The following SPATS2 variants were observed in gnomAD, a reference collection of about 807,000 sequenced individuals.
The protein encoded by SPATS2 is spermatogenesis associated serine rich 2, also known as spermatogenesis-associated serine-rich protein 2.
SPATS2 carries 38 observed loss-of-function variants against 63.7 expected under a neutral mutation model. That is an observed-to-expected ratio of 0.60 (90% CI 0.46 to 0.78). The LOEUF (loss-of-function observed/expected upper bound fraction) is 0.78. SPATS2 is among the 30% of genes least tolerant of loss of function. The pLI is 0.00. For synonymous variants in SPATS2, 207 were observed against 232.9 expected, an observed-to-expected ratio of 0.89 and a Z score of 1.01; for missense variants, 588 against 666.2, an observed-to-expected ratio of 0.88 and a Z score of 1.29.
intron 2 of SPATS2, among the ~76,000 whole-genome samples, chr12:49,377,133 A>G (rs1273786679): frequency 1.3e-5 from 2 of 152,158 alleles, no homozygotes; most frequent in Admixed American, 6.5e-5. Context: ...TCTTAAGTTG[A>G]TAATGCTTTA....
At chr12:49,497,039 A>G (rs778838757) in intron 8 of SPATS2, 30 bp downstream of exon 8, 19 of 1,505,670 alleles carry the variant, frequency 1.3e-5, no homozygotes, top group African/African-American at 2.9e-5. Flanking sequence ...GTGAGAGAAA[A>G]TGAAAAATCT....
chr12:49,524,783 AC>A lies in SPATS2; in HGVS notation c.1215del (p.Cys406ValfsTer24). 1 of 1,613,894 alleles carries A rather than the reference AC, an allele frequency of 6.2e-7. No individual in the cohort carries two copies. The highest frequency in any genetic ancestry group is 8.5e-7 in the Non-Finnish European group (1 of 1,179,962). ...PSDASAASSS[T>X]CASPPSLTSA... is the part of the protein sequence containing the mutation. The stretch of plus-strand genomic sequence containing the variant: ...TGATGCCTCTGCTGCTTCCTCTTCC[AC>A]CTGTGCCTCTCCTCCCAGCCTTACA... On this transcript the variant is annotated frameshift_variant, in exon 13 of 14. Coordinates refer to ENST00000552918, the MANE Select transcript of SPATS2 (RefSeq NM_023071.4). LOFTEE classifies it high-confidence loss of function.
intron 2 of SPATS2, among the ~76,000 whole-genome samples, chr12:49,420,223 T>G (rs1188931384): frequency 6.6e-6 from 1 of 152,216 alleles, no homozygotes; most frequent in Non-Finnish European, 1.5e-5. Context: ...ATTTTTTTAT[T>G]TTCCAGGTTA....
At chr12:49,394,929 T>C (rs1037534421) in intron 2 of SPATS2, among the ~76,000 whole-genome samples, 1 of 151,570 alleles carries the variant, frequency 6.6e-6, no homozygotes, top group African/African-American at 2.4e-5. Flanking sequence ...AAAATTTAGC[T>C]GGGCTTGGTG....
At chr12:49,370,562 CG>C (rs1943979667) in intron 1 of SPATS2, among the ~76,000 whole-genome samples, 1 of 152,214 alleles carries the variant, frequency 6.6e-6, no homozygotes, top group African/African-American at 2.4e-5. Context: ...TCACTTTCAA[CG>C]AAGTCATCTA....
At chr12:49,411,286 AAC>A (rs1033417006) in intron 2 of SPATS2, among the ~76,000 whole-genome samples, 3 of 152,258 alleles carry the variant, frequency 2.0e-5, no homozygotes, top group Non-Finnish European at 4.4e-5. Context: ...CATCAAAGAG[AAC>A]ACACCAGCAA....
chr12:49,434,764 T>G (rs1001598921), intron 2 of SPATS2, among the ~76,000 whole-genome samples: 73 of 152,182 alleles, frequency 4.8e-4, no homozygotes, highest in Admixed American at 2.0e-4. Context: ...TTGGTTTTCT[T>G]AGCTTTAAGC....
intron 9 of SPATS2, among the ~76,000 whole-genome samples, chr12:49,500,574 C>T (rs1946548430): frequency 6.6e-6 from 1 of 151,984 alleles, no homozygotes; most frequent in South Asian, 2.1e-4. Context: ...AGATCAAGAC[C>T]ATCCTGGCTA....
chr12:49,525,822 A>T, intron 13 of SPATS2, 122 bp from the exon 14 acceptor site: 1 of 1,066,656 alleles, frequency 9.4e-7, no homozygotes, highest in Non-Finnish European at 1.3e-6. Context: ...TTGAGTCTTG[A>T]GAGATAACTG....
In SPATS2 at chr12:49,485,184, G is replaced by T. The variant is rs533131268; in HGVS notation, c.105+515G>T. Among the ~76,000 whole-genome samples the T allele has an allele frequency of 5.5e-4, 83 of 151,050 alleles. 1 individual carries two copies. Among genetic ancestry groups the T allele is most frequent in the Non-Finnish European group, 9.1e-4 (62 of 67,912 alleles). On this transcript the variant is annotated intron_variant, in intron 4 of 13. Transcript: ENST00000552918. The stretch of plus-strand genomic sequence containing the variant: ...GGGTTCGCGCCATTCTCCTGCCTCA[G>T]CCTCTCCAAGTAGCTGGGACTACAG...
chr12:49,466,323 C>A (rs534551978), intron 3 of SPATS2, among the ~76,000 whole-genome samples: 1 of 151,868 alleles, frequency 6.6e-6, no homozygotes, highest in Non-Finnish European at 1.5e-5. Flanking sequence ...CCACCACGCC[C>A]GGCTAATTTT....
chr12:49,420,831 C>CT (rs2137417145), intron 2 of SPATS2, among the ~76,000 whole-genome samples: 1 of 152,132 alleles, frequency 6.6e-6, no homozygotes, highest in Non-Finnish European at 1.5e-5. Context: ...TAGTGAAACT[C>CT]TGTCTCTACA....
At chr12:49,420,535 A>C (rs1258983681) in intron 2 of SPATS2, among the ~76,000 whole-genome samples, 3 of 152,360 alleles carry the variant, frequency 2.0e-5, no homozygotes, top group African/African-American at 7.2e-5. Flanking sequence ...TGGAGGTTGC[A>C]GTGAGCCACT....
intron 2 of SPATS2, among the ~76,000 whole-genome samples, chr12:49,459,882 C>T (rs1344552872): frequency 1.3e-4 from 15 of 119,714 alleles, no homozygotes; most frequent in Non-Finnish European, 2.5e-4. Context: ...GTCAGGAGTT[C>T]GAGACCAGCC....
At chr12:49,424,554 A>G (rs914956572) in intron 2 of SPATS2, among the ~76,000 whole-genome samples, 4 of 152,282 alleles carry the variant, frequency 2.6e-5, no homozygotes, top group Middle Eastern at 3.4e-3. Flanking sequence ...TATTAGGGCA[A>G]AGTTTCTGTG....
chr12:49,467,393 C>T (rs1477863056), intron 3 of SPATS2, among the ~76,000 whole-genome samples: 3 of 152,038 alleles, frequency 2.0e-5, no homozygotes, highest in African/African-American at 7.3e-5. Context: ...ATTTTCCTGA[C>T]TGATCTCTGA....
intron 2 of SPATS2, among the ~76,000 whole-genome samples, chr12:49,449,381 A>G (rs992764056): frequency 6.6e-6 from 1 of 151,906 alleles, no homozygotes; most frequent in Non-Finnish European, 1.5e-5. Flanking sequence ...ACACCCAGCT[A>G]ATTTTTGTAT....
At chr12:49,375,505 C>T (rs1944084969) in intron 2 of SPATS2, among the ~76,000 whole-genome samples, 1 of 152,090 alleles carries the variant, frequency 6.6e-6, no homozygotes, top group Admixed American at 6.6e-5. Context: ...TGTGGTTAGC[C>T]CACTGCTGGC....
In SPATS2 at chr12:49,460,934, C is replaced by T; in HGVS notation, c.-79C>T. The T allele has an allele frequency of 1.2e-5, 18 of 1,553,342 alleles. No homozygotes were observed. The highest frequency in any genetic ancestry group is 2.3e-5 in the East Asian group (1 of 43,908). ...ACACTTCCGTTGCCCACTTTTAAAT[C>T]AGAGATACCTACACTCAAAACCCAG... On this transcript the variant is annotated 5_prime_UTR_variant, in exon 3 of 14. Coordinates refer to ENST00000552918, the MANE Select transcript of SPATS2 (RefSeq NM_023071.4).
Sources: allele counts gnomAD v4.1 joint callset (sites outside exome capture counted in the v4.1 genomes callset), GRCh38; gene constraint gnomAD v4.1.1; transcripts MANE v1.5; gene names NCBI Gene and HGNC (gene_info 2026-07-23, HGNC 2026-07-21).